The following GSTO2 variants were observed in gnomAD, a reference collection of about 807,000 sequenced individuals.
GSTO2 encodes glutathione S-transferase omega-2.
Under a neutral mutation model 28.4 loss-of-function variants are expected in GSTO2, and 23 were observed. The observed-to-expected ratio is 0.81, with a 90% CI of 0.58 to 1.15. The LOEUF (loss-of-function observed/expected upper bound fraction) is 1.15. Among genes scored for constraint, GSTO2 ranks in the 50% most tolerant of loss-of-function variants. The pLI is 0.00. For missense variants in GSTO2, 298 were observed against 297.8 expected (o/e 1.00, Z 0.00); for synonymous variants, 109 against 111.0 (o/e 0.98, Z 0.11).
At position 104,269,287 on chromosome 10, in the gene GSTO2, G is replaced by C. The variant is rs998367776; in HGVS notation, c.-232+18G>C. 8 of 152,272 alleles carry C rather than the reference G, an allele frequency of 5.3e-5. No homozygotes were observed. The highest frequency in any genetic ancestry group is 1.0e-4 in the Non-Finnish European group (7 of 68,096). 9.4% of individuals were successfully genotyped at this position (152,272 alleles called of 1,614,324 possible). On this transcript the variant is annotated intron_variant, in intron 1 of 6. Coordinates refer to ENST00000338595, the MANE Select transcript of GSTO2 (RefSeq NM_183239.2). Reference sequence around the variant, plus strand: ...CGCCACCGGTGGGTCCGTTCGGCCTGCGTTGTATTGGAAGGGAAGAGGGGT... The same window carrying C: ...CGCCACCGGTGGGTCCGTTCGGCCTCCGTTGTATTGGAAGGGAAGAGGGGT...
chr10:104,282,744 G>T (rs1865926), intron 5 of GSTO2, among the ~76,000 whole-genome samples: 38,492 of 151,930 alleles, frequency 0.25, 5,110 homozygotes, highest in Middle Eastern at 0.34. Flanking sequence ...TAGGAGTTAT[G>T]GAGGATGGTT....
chr10:104,279,533 C>A, intron 5 of GSTO2, 62 bp downstream of exon 5: 1 of 1,115,184 alleles, frequency 9.0e-7, no homozygotes, highest in Non-Finnish European at 1.4e-6. Context: ...GGGTCGCTAA[C>A]CTGGTCACTC....
intron 3 of GSTO2, among the ~76,000 whole-genome samples, chr10:104,276,553 T>C (rs2011642305): frequency 6.6e-6 from 1 of 152,214 alleles, no homozygotes; most frequent in South Asian, 2.1e-4. Context: ...CTACCTTCAG[T>C]TGTGACAACA....
chr10:104,297,499 T>G, intron 5 of GSTO2, 79 bp from the exon 6 acceptor site: 1 of 875,118 alleles, frequency 1.1e-6, no homozygotes. Flanking sequence ...GGGAATTAAT[T>G]TGAGATTTAC....
intron 5 of GSTO2, chr10:104,295,445 ATCCT>A (rs1718680262): frequency 6.6e-6 from 1 of 152,154 alleles, no homozygotes; most frequent in South Asian, 2.1e-4. Flanking sequence ...GAGCCCATTG[ATCCT>A]TTCTATCAGG....
At chr10:104,269,435 A>G (rs2011278592) in intron 1 of GSTO2, among the ~76,000 whole-genome samples, 166 bp downstream of exon 1, 1 of 152,254 alleles carries the variant, frequency 6.6e-6, no homozygotes, top group Non-Finnish European at 1.5e-5. Flanking sequence ...CTGTTGCATC[A>G]AAGAATTTCA....
intron 5 of GSTO2, among the ~76,000 whole-genome samples, chr10:104,293,644 C>A (rs374098007): frequency 2.0e-5 from 3 of 147,328 alleles, no homozygotes; most frequent in African/African-American, 7.7e-5. Flanking sequence ...CAGCCTTGAC[C>A]TCCCAGCCTC....
chr10:104,282,389 T>A (rs998553419), intron 5 of GSTO2, among the ~76,000 whole-genome samples: 1 of 151,536 alleles, frequency 6.6e-6, no homozygotes, highest in Non-Finnish European at 1.5e-5. Context: ...TCCATCTCTT[T>A]AAAAAATACA....
At chr10:104,269,980 T>C (rs1170053248) in intron 1 of GSTO2, among the ~76,000 whole-genome samples, 4 of 152,212 alleles carry the variant, frequency 2.6e-5, no homozygotes, top group African/African-American at 7.2e-5. Flanking sequence ...TTCCAGTCTC[T>C]TTATCCAACA....
At position 104,269,208 on chromosome 10, in the gene GSTO2, A is replaced by G. The variant is rs494431; in HGVS notation, c.-293A>G. Reference sequence around the variant, plus strand: ...CCTCCTTGCTGCTGCTGCCGCCGCCAATCCTGGTCCGGTTGCCCGAGTTCC... The same window carrying G: ...CCTCCTTGCTGCTGCTGCCGCCGCCGATCCTGGTCCGGTTGCCCGAGTTCC... On this transcript the variant is annotated 5_prime_UTR_variant, in exon 1 of 7. Coordinates refer to ENST00000338595, the MANE Select transcript of GSTO2 (RefSeq NM_183239.2). The G allele has an allele frequency of 6.6e-6, 1 of 152,392 alleles. No homozygotes were observed. The highest frequency in any genetic ancestry group is 1.9e-4 in the East Asian group (1 of 5,196). The allele number at this position is 152,392 out of a possible 1,614,324, so 9.4% of individuals were successfully genotyped here.
intron 5 of GSTO2, among the ~76,000 whole-genome samples, chr10:104,289,512 G>C (rs1168160607): frequency 6.6e-6 from 1 of 152,186 alleles, no homozygotes; most frequent in African/African-American, 2.4e-5. Flanking sequence ...CCTTCATGGA[G>C]AATCTAGGTC....
chr10:104,269,905 G>T (rs1183554484), intron 1 of GSTO2, among the ~76,000 whole-genome samples: 2 of 152,126 alleles, frequency 1.3e-5, no homozygotes, highest in Non-Finnish European at 2.9e-5. Context: ...ATATTGAAGA[G>T]ATTCGAATCT....
intron 5 of GSTO2, among the ~76,000 whole-genome samples, chr10:104,283,565 G>C (rs2012216215): frequency 6.6e-6 from 1 of 152,160 alleles, no homozygotes; most frequent in African/African-American, 2.4e-5. Flanking sequence ...GTTTGAGCTT[G>C]CAATGAGCTA....
chr10:104,289,815 A>G (rs1589871083), intron 5 of GSTO2, among the ~76,000 whole-genome samples: 1 of 152,226 alleles, frequency 6.6e-6, no homozygotes, highest in African/African-American at 2.4e-5. Context: ...CAAATGGCAA[A>G]CAGACATATG....
At chr10:104,292,387 G>T (rs1457266589) in intron 5 of GSTO2, among the ~76,000 whole-genome samples, 1 of 151,754 alleles carries the variant, frequency 6.6e-6, no homozygotes, top group Non-Finnish European at 1.5e-5. Flanking sequence ...CGAACTCCTG[G>T]CCTCAAGAGA....
At chr10:104,290,591 C>G (rs1341250870) in intron 5 of GSTO2, among the ~76,000 whole-genome samples, 3 of 152,052 alleles carry the variant, frequency 2.0e-5, no homozygotes, top group Non-Finnish European at 4.4e-5. Flanking sequence ...CTGTCATTTG[C>G]AGCAACATGG....
intron 5 of GSTO2, chr10:104,296,654 A>G (rs1413915085): frequency 6.7e-6 from 1 of 149,962 alleles, no homozygotes; most frequent in East Asian, 2.0e-4. Context: ...AGAAGAACAC[A>G]GGTTGGAATT....
At chr10:104,282,966 G>T (rs957567276) in intron 5 of GSTO2, among the ~76,000 whole-genome samples, 13 of 152,170 alleles carry the variant, frequency 8.5e-5, no homozygotes, top group African/African-American at 3.1e-4. Context: ...GGTGATAAAT[G>T]TTTAAGAATC....
chr10:104,278,664 A>G (rs7905462), intron 4 of GSTO2, among the ~76,000 whole-genome samples: 11,229 of 152,116 alleles, frequency 0.074, 1,386 homozygotes, highest in African/African-American at 0.26. Flanking sequence ...TATTTTTAGT[A>G]GAGATGGGGT....
Sources: allele counts gnomAD v4.1 joint callset (sites outside exome capture counted in the v4.1 genomes callset), GRCh38; gene constraint gnomAD v4.1.1; transcripts MANE v1.5; gene names NCBI Gene and HGNC (gene_info 2026-07-23, HGNC 2026-07-21).